TNR: variants seen among roughly 807,000 people sequenced by gnomAD.
The protein encoded by TNR is tenascin R, also known as tenascin-R.
A neutral mutation model predicts 150.4 loss-of-function variants in TNR; 45 were observed. The ratio of observed to expected loss-of-function variants is 0.30; its 90% CI spans 0.24 to 0.38. The LOEUF is 0.38. Among genes scored for constraint, TNR ranks in the 10% least tolerant of loss-of-function variants. The pLI is 1.00. For synonymous variants in TNR, 687 were observed against 678.4 expected (o/e 1.01, Z -0.20); for missense variants, 1,544 against 1,759.1 (o/e 0.88, Z 2.19).
At chr1:175,695,137 C>G (rs1571760499) in intron 1 of TNR, among the ~76,000 whole-genome samples, 1 of 152,176 alleles carries the variant, frequency 6.6e-6, no homozygotes, top group Non-Finnish European at 1.5e-5. Flanking sequence ...TAAGGTGTAA[C>G]TTCCAGATTA....
chr1:175,583,209 C>G (rs533308796), intron 1 of TNR, among the ~76,000 whole-genome samples: 1 of 152,102 alleles, frequency 6.6e-6, no homozygotes, highest in Non-Finnish European at 1.5e-5. Flanking sequence ...CTCATGTGCC[C>G]GAGTAGAACA....
chr1:175,364,249 A>G (rs921314036), intron 12 of TNR, among the ~76,000 whole-genome samples: 8 of 151,566 alleles, frequency 5.3e-5, no homozygotes, highest in African/African-American at 1.7e-4. Context: ...AAAACTGCCT[A>G]TTGACTATAC....
chr1:175,393,992 G>T, intron 5 of TNR, 97 bp from the exon 6 acceptor site: 1 of 950,692 alleles, frequency 1.1e-6, no homozygotes, highest in Non-Finnish European at 1.7e-6. Context: ...TCCACGCCAT[G>T]GGCGTGGTGG....
At chr1:175,548,102 C>T (rs1660783433) in intron 1 of TNR, among the ~76,000 whole-genome samples, 1 of 152,132 alleles carries the variant, frequency 6.6e-6, no homozygotes, top group East Asian at 1.9e-4. Flanking sequence ...TCGTTGAGTC[C>T]ATGGTGGACC....
intron 4 of TNR, among the ~76,000 whole-genome samples, chr1:175,398,916 G>A (rs1366029920): frequency 6.6e-6 from 1 of 152,226 alleles, no homozygotes; most frequent in Non-Finnish European, 1.5e-5. Context: ...CTTTACCAAT[G>A]AGGAAACTGA....
chr1:175,588,811 T>A (rs945628064), intron 1 of TNR, among the ~76,000 whole-genome samples: 8 of 152,178 alleles, frequency 5.3e-5, no homozygotes, highest in African/African-American at 1.9e-4. Flanking sequence ...ACTTAGTTCA[T>A]GAGAGTAGAG....
chr1:175,629,921 G>A (rs950704785), intron 1 of TNR, among the ~76,000 whole-genome samples: 5 of 152,234 alleles, frequency 3.3e-5, no homozygotes, highest in East Asian at 3.9e-4. Flanking sequence ...GTTGAGGCAC[G>A]GCTCTTCATT....
At chr1:175,404,700 T>C (rs1194412995) in intron 3 of TNR, among the ~76,000 whole-genome samples, 1 of 152,208 alleles carries the variant, frequency 6.6e-6, no homozygotes, top group Non-Finnish European at 1.5e-5. Flanking sequence ...CCAGGGATCC[T>C]GGTGGAAGGC....
chr1:175,477,842 C>T (rs749331423), intron 2 of TNR, among the ~76,000 whole-genome samples: 4 of 152,204 alleles, frequency 2.6e-5, no homozygotes, highest in Non-Finnish European at 4.4e-5. Flanking sequence ...TCTCCCTGAG[C>T]GGAGTGTTTC....
intron 1 of TNR, among the ~76,000 whole-genome samples, chr1:175,530,914 C>T (rs1329192558): frequency 6.6e-6 from 1 of 152,138 alleles, no homozygotes; most frequent in African/African-American, 2.4e-5. Context: ...TTGGCAGCAA[C>T]CATTTACTGA....
intron 1 of TNR, among the ~76,000 whole-genome samples, chr1:175,632,352 G>T (rs548606608): frequency 6.6e-6 from 1 of 152,224 alleles, no homozygotes; most frequent in Non-Finnish European, 1.5e-5. Flanking sequence ...GGGCATCAGT[G>T]TGGGATGAAA....
chr1:175,698,605 A>C (rs1346067402), intron 1 of TNR, among the ~76,000 whole-genome samples: 1 of 152,008 alleles, frequency 6.6e-6, no homozygotes, highest in Non-Finnish European at 1.5e-5. Context: ...TTTGGGAGGC[A>C]AGAGGCGGGT....
intron 1 of TNR, among the ~76,000 whole-genome samples, chr1:175,628,719 G>T (rs1490388002): frequency 6.6e-6 from 1 of 151,998 alleles, no homozygotes; most frequent in Non-Finnish European, 1.5e-5. Flanking sequence ...ATGAAGAAGT[G>T]CTGGGGACAA....
chr1:175,499,873 A>G (rs1658658500), intron 2 of TNR, among the ~76,000 whole-genome samples: 1 of 152,132 alleles, frequency 6.6e-6, no homozygotes, highest in Admixed American at 6.5e-5. Context: ...CTACGTAACT[A>G]CTGTTGCCCC....
intron 9 of TNR, among the ~76,000 whole-genome samples, chr1:175,378,488 T>C (rs1652516028): frequency 6.6e-6 from 1 of 152,184 alleles, no homozygotes; most frequent in African/African-American, 2.4e-5. Context: ...GAATGGAAAC[T>C]GGCAAGATGA....
At chr1:175,349,958 T>C (rs1557878584) in intron 18 of TNR, among the ~76,000 whole-genome samples, 1 of 152,240 alleles carries the variant, frequency 6.6e-6, no homozygotes, top group Admixed American at 6.5e-5. Context: ...CTCTGCACTT[T>C]GGTGAAAAGG....
chr1:175,634,556 T>C (rs920331074), intron 1 of TNR, among the ~76,000 whole-genome samples: 2 of 152,152 alleles, frequency 1.3e-5, no homozygotes, highest in Admixed American at 6.5e-5. Context: ...TGTAAGTCAG[T>C]AGAGTGAAAA....
chr1:175,661,357 A>G (rs1018349136), intron 1 of TNR, among the ~76,000 whole-genome samples: 1 of 152,214 alleles, frequency 6.6e-6, no homozygotes, highest in Non-Finnish European at 1.5e-5. Context: ...AATGATAAAG[A>G]TAGTCACTGT....
intron 2 of TNR, among the ~76,000 whole-genome samples, chr1:175,409,476 C>A (rs1654110600): frequency 6.6e-6 from 1 of 152,186 alleles, no homozygotes; most frequent in Non-Finnish European, 1.5e-5. Flanking sequence ...AAAGGTACAG[C>A]TTTATGTGTA....
Sources: gnomAD v4.1 joint callset for allele counts (sites outside exome capture counted in the v4.1 genomes callset) on GRCh38, gnomAD v4.1.1 for gene constraint, MANE v1.5 for transcripts, NCBI Gene and HGNC (gene_info 2026-07-23, HGNC 2026-07-21) for gene names.